The following SLC35D2 variants were observed in gnomAD, a reference collection of about 807,000 sequenced individuals.
SLC35D2 encodes the protein nucleotide sugar transporter SLC35D2.
A neutral mutation model predicts 41.8 loss-of-function variants in SLC35D2; 43 were observed. The observed-to-expected ratio is 1.03, with a 90% CI of 0.81 to 1.33. The LOEUF (loss-of-function observed/expected upper bound fraction) is 1.33, where lower values mean the gene tolerates loss of function less well. SLC35D2 is among the 40% of genes most tolerant of loss of function. The pLI, the probability that SLC35D2 is intolerant of heterozygous loss-of-function variation, is 0.00. For missense variants in SLC35D2, 380 were observed against 408.4 expected, an observed-to-expected ratio of 0.93 and a Z score of 0.60; for synonymous variants, 150 against 163.9, an observed-to-expected ratio of 0.92 and a Z score of 0.65.
intron 11 of SLC35D2, 149 bp from the exon 12 acceptor site, chr9:96,321,490 G>A (rs971315865): frequency 1.8e-5 from 11 of 622,276 alleles, no homozygotes; most frequent in Non-Finnish European, 3.1e-5. Flanking sequence ...TGGATTGCTT[G>A]ATGAGAATTT....
At chr9:96,324,212 C>A (rs557792513) in intron 9 of SLC35D2, 43 bp from the exon 10 acceptor site, 1 of 1,548,964 alleles carries the variant, frequency 6.5e-7, no homozygotes, top group South Asian at 1.1e-5. Context: ...CCTCACTACG[C>A]TGGGTAATGA....
chr9:96,369,848 C>T (rs1487877407), intron 1 of SLC35D2, among the ~76,000 whole-genome samples: 6 of 152,168 alleles, frequency 3.9e-5, no homozygotes, highest in Non-Finnish European at 1.5e-5. Context: ...AAACTCAGCC[C>T]TCAATCTGTA....
At chr9:96,338,004 A>AT (rs1393395317) in intron 8 of SLC35D2, among the ~76,000 whole-genome samples, 1 of 148,526 alleles carries the variant, frequency 6.7e-6, no homozygotes, top group African/African-American at 2.5e-5. Context: ...AAAAAAAAAA[A>AT]ACTCAATTTC....
chr9:96,353,376 T>G (rs562890832), intron 4 of SLC35D2, among the ~76,000 whole-genome samples: 8 of 149,678 alleles, frequency 5.3e-5, no homozygotes, highest in African/African-American at 1.2e-4. Flanking sequence ...TATTTAGAGA[T>G]AGAGTCTCAC....
At chr9:96,371,347 T>A (rs1413500992) in intron 1 of SLC35D2, among the ~76,000 whole-genome samples, 1 of 151,510 alleles carries the variant, frequency 6.6e-6, no homozygotes, top group Non-Finnish European at 1.5e-5. Flanking sequence ...ACACTGGTAA[T>A]CCCAGCTACT....
intron 1 of SLC35D2, 33 bp downstream of exon 1, chr9:96,383,444 C>T (rs1266513010): frequency 3.3e-6 from 5 of 1,502,602 alleles, no homozygotes; most frequent in Non-Finnish European, 3.6e-6. Context: ...CCCCGCACTC[C>T]CGCAGACCCC....
Position 96,383,662 on chromosome 9 carries a change from C to T in SLC35D2, c.-28G>A. The T allele has an allele frequency of 9.9e-7, 1 of 1,010,218 alleles. No individual in the cohort carries two copies. Among genetic ancestry groups the T allele is most frequent in the Non-Finnish European group, 1.2e-6 (1 of 848,218 alleles). The allele number at this position is 1,010,218 out of a possible 1,614,324, so 62.6% of individuals were successfully genotyped here. ...CCTGCGGCCCCGCGGACCCCGCCGC[C>T]CGCCAGCCCCGGCTGCGCACTGGTC... On this transcript the variant is annotated 5_prime_UTR_variant, in exon 1 of 12. Transcript: ENST00000253270.
chr9:96,325,360 G>T (rs1250158120), intron 9 of SLC35D2, among the ~76,000 whole-genome samples: 1 of 152,160 alleles, frequency 6.6e-6, no homozygotes, highest in African/African-American at 2.4e-5. Flanking sequence ...TACAAGGAGA[G>T]TACAAGATGT....
At chr9:96,352,169 T>C in intron 4 of SLC35D2, 60 bp from the exon 5 acceptor site, 1 of 1,068,324 alleles carries the variant, frequency 9.4e-7, no homozygotes, top group Non-Finnish European at 1.4e-6. Flanking sequence ...GTTTTATCTT[T>C]TACATGTTTT....
At chr9:96,333,574 G>A (rs1386222112) in intron 9 of SLC35D2, among the ~76,000 whole-genome samples, 5 of 140,996 alleles carry the variant, frequency 3.5e-5, no homozygotes, top group African/African-American at 5.4e-5. Context: ...CAGCCTGGGC[G>A]ACAGAGGGAG....
At chr9:96,382,464 T>TAC (rs1491363084) in intron 1 of SLC35D2, among the ~76,000 whole-genome samples, 1 of 95,530 alleles carries the variant, frequency 1.0e-5, no homozygotes, top group African/African-American at 5.9e-5. Flanking sequence ...AAAAAAATAT[T>TAC]ATACACACAC....
At position 96,322,066 on chromosome 9, in the gene SLC35D2, G is replaced by A. The variant is rs1195521862; in HGVS notation, c.846C>T (p.Ala282=). ...CTCCACCGATTAATATCCCAATGTAGGCAACGGATACATTCTGCAGAAAAA... is the reference window on the plus strand; with the variant it reads ...CTCCACCGATTAATATCCCAATGTAAGCAACGGATACATTCTGCAGAAAAA... ...VVGAIKNVSV[A]YIGILIGGDY... Residue 282 remains alanine (A), a synonymous_variant, in exon 11 of 12, where the codon GCC becomes GCT. Coordinates refer to ENST00000253270, the MANE Select transcript of SLC35D2 (RefSeq NM_007001.3). 6.3e-7 allele frequency: 1 copy of A among 1,597,666 alleles called. No individual in the cohort carries two copies. The highest frequency in any genetic ancestry group is 1.1e-5 in the South Asian group (1 of 90,412).
At chr9:96,334,987 G>T (rs1056756157) in intron 9 of SLC35D2, among the ~76,000 whole-genome samples, 1 of 152,192 alleles carries the variant, frequency 6.6e-6, no homozygotes, top group Non-Finnish European at 1.5e-5. Flanking sequence ...GAGAACTAAT[G>T]AATGGAAGAT....
chr9:96,336,755 A>C lies in SLC35D2; in HGVS notation c.714T>G (p.Val238=). The C allele has an allele frequency of 1.3e-6, 2 of 1,586,610 alleles. No homozygotes were observed. Among genetic ancestry groups the C allele is most frequent in the Non-Finnish European group, 1.7e-6 (2 of 1,160,772 alleles). Residue 238 remains valine (V), a synonymous_variant, in exon 9 of 12, where the codon GTT becomes GTG. Transcript: ENST00000253270. ...QATEFNQWKN[V]VFILQFLLSC... ...AAAGAAGAAACTGTAGGATAAACAC[A>C]ACATTCTTCCATTGGTTGAATTCAG...
intron 4 of SLC35D2, among the ~76,000 whole-genome samples, chr9:96,359,031 G>A (rs1366993305): frequency 2.6e-5 from 4 of 152,012 alleles, no homozygotes; most frequent in Non-Finnish European, 4.4e-5. Flanking sequence ...GTGGCCGGGT[G>A]CGGTGGCTCA....
At chr9:96,357,693 A>G (rs1312179600) in intron 4 of SLC35D2, 1 of 152,186 alleles carries the variant, frequency 6.6e-6, no homozygotes. Context: ...TAAAACATCA[A>G]AAGTACAAGC....
chr9:96,356,230 A>G (rs1830015485), intron 4 of SLC35D2, among the ~76,000 whole-genome samples: 2 of 152,198 alleles, frequency 1.3e-5, no homozygotes, highest in Non-Finnish European at 2.9e-5. Context: ...TGCTGGCGCC[A>G]TGCTTCTTGC....
intron 6 of SLC35D2, among the ~76,000 whole-genome samples, chr9:96,350,408 T>C (rs1266834955): frequency 6.8e-6 from 1 of 147,206 alleles, no homozygotes; most frequent in African/African-American, 2.6e-5. Context: ...TTCCCAAGCT[T>C]ATCTCAAACT....
At chr9:96,331,182 G>T (rs184082226) in intron 9 of SLC35D2, among the ~76,000 whole-genome samples, 8 of 152,314 alleles carry the variant, frequency 5.3e-5, no homozygotes, top group African/African-American at 1.9e-4. Flanking sequence ...ACAGGCTTGA[G>T]CCACCATGCC....
Sources: gnomAD v4.1 joint callset for allele counts (sites outside exome capture counted in the v4.1 genomes callset) on GRCh38, gnomAD v4.1.1 for gene constraint, MANE v1.5 for transcripts, NCBI Gene and HGNC (gene_info 2026-07-23, HGNC 2026-07-21) for gene names.